The following NSD2 variants were observed in gnomAD, a reference collection of about 807,000 sequenced individuals.
NSD2 encodes histone-lysine N-methyltransferase NSD2.
In NSD2, 12 loss-of-function variants were observed where a neutral mutation model predicts 139.0. The observed-to-expected ratio is 0.09, with a 90% CI of 0.06 to 0.14. NSD2 has a LOEUF of 0.14. Ranked by LOEUF, NSD2 falls within the 10% of genes least tolerant of loss-of-function variation. NSD2 has a pLI of 1.00. For missense variants in NSD2, 1,155 were observed against 1,745.0 expected (o/e 0.66, Z 6.02); for synonymous variants, 669 against 648.7 (o/e 1.03, Z -0.48).
chr4:1,917,666 ACCT>A (rs1719573461), intron 4 of NSD2, among the ~76,000 whole-genome samples: 2 of 151,926 alleles, frequency 1.3e-5, no homozygotes, highest in African/African-American at 4.8e-5. Flanking sequence ...TGGACTCCTG[ACCT>A]CAGGTGATGT....
chr4:1,967,059 C>T (rs1305729839), intron 18 of NSD2, among the ~76,000 whole-genome samples: 2 of 152,024 alleles, frequency 1.3e-5, no homozygotes, highest in Non-Finnish European at 2.9e-5. Context: ...AGAAAAGACT[C>T]ACATAACTAA....
intron 9 of NSD2, chr4:1,945,281 G>A (rs1264977950): frequency 4.7e-6 from 5 of 1,066,210 alleles, no homozygotes; most frequent in African/African-American, 1.6e-5. Context: ...GAGACGTTAA[G>A]AGCTGAGCAC....
intron 5 of NSD2, among the ~76,000 whole-genome samples, chr4:1,927,616 G>A (rs546044475): frequency 6.7e-6 from 1 of 150,348 alleles, no homozygotes; most frequent in South Asian, 2.1e-4. Flanking sequence ...CTACTCAGGA[G>A]GCTAAGGTGG....
rs1257631735 is a variant in NSD2, at chr4:1,978,857, A to AGGG, written c.4048_4050dup (p.Gly1350dup). On this transcript the variant is annotated inframe_insertion, in exon 22 of 22. Coordinates refer to ENST00000508803, the MANE Select transcript of NSD2 (RefSeq NM_001042424.3). The stretch of plus-strand genomic sequence containing the variant: ...CCCCCCCCAGAGCCAGGGAAGCCGA[A>AGGG]GGGGAAGAGGCGGCGGCGGAGGGGC... The AGGG allele has an allele frequency of 6.3e-7, 1 of 1,599,628 alleles. No individual in the cohort carries two copies. Among genetic ancestry groups the AGGG allele is most frequent in the Non-Finnish European group, 8.5e-7 (1 of 1,170,464 alleles).
At chr4:1,967,526 C>G (rs1413802262) in intron 18 of NSD2, among the ~76,000 whole-genome samples, 1 of 151,350 alleles carries the variant, frequency 6.6e-6, no homozygotes, top group Admixed American at 6.6e-5. Flanking sequence ...TTCAGTGAGC[C>G]GAGATCATGC....
intron 5 of NSD2, among the ~76,000 whole-genome samples, chr4:1,922,952 G>A (rs1043012623): frequency 6.6e-6 from 1 of 151,970 alleles, no homozygotes; most frequent in Non-Finnish European, 1.5e-5. Context: ...CAGTATTCAC[G>A]CAGGGCAGTG....
intron 6 of NSD2, among the ~76,000 whole-genome samples, chr4:1,932,213 G>A (rs903885807): frequency 6.6e-6 from 1 of 152,044 alleles, no homozygotes; most frequent in African/African-American, 2.4e-5. Context: ...AAGGTGGGTG[G>A]ATCACTTGAG....
At chr4:1,928,269 G>A (rs1417461176) in intron 5 of NSD2, among the ~76,000 whole-genome samples, 1 of 152,006 alleles carries the variant, frequency 6.6e-6, no homozygotes, top group Non-Finnish European at 1.5e-5. Context: ...CAGATACCTT[G>A]CCAGTATGTT....
At chr4:1,883,633 A>C (rs1011206372) in intron 1 of NSD2, among the ~76,000 whole-genome samples, 1 of 145,538 alleles carries the variant, frequency 6.9e-6, no homozygotes, top group African/African-American at 2.5e-5. Context: ...TTTGTTTCCA[A>C]AAAAAAAAAA....
chr4:1,895,949 G>T (rs1280839046), intron 1 of NSD2, among the ~76,000 whole-genome samples: 2 of 152,234 alleles, frequency 1.3e-5, no homozygotes, highest in Non-Finnish European at 2.9e-5. Flanking sequence ...TGTGACCACA[G>T]ACACTCACCT....
chr4:1,952,851 T>TC, intron 11 of NSD2: 1 of 1,276,644 alleles, frequency 7.8e-7, no homozygotes, highest in Non-Finnish European at 9.9e-7. Context: ...GAGTCTCCTA[T>TC]CTCACGTCAG....
At chr4:1,871,710 A>C (rs1171654037) in intron 1 of NSD2, among the ~76,000 whole-genome samples, 168 bp downstream of exon 1, 1 of 144,646 alleles carries the variant, frequency 6.9e-6, no homozygotes, top group African/African-American at 2.5e-5. Flanking sequence ...GGGCCGGCTC[A>C]GGGGCTGGGG....
chr4:1,926,136 C>T lies in NSD2; in HGVS notation c.1411-4490C>T, dbSNP rs1238368557. 2.0e-5 allele frequency among the ~76,000 whole-genome samples: 3 copies of T among 146,424 alleles called. No homozygotes were observed. In the East Asian group the frequency reaches 6.0e-4, roughly 29 times the overall value. ...TATGAGCAGCATTTTCACTAGCAGG[C>T]TTTTTGGGCCTGAATTTTTTTTTTT... is the stretch of plus-strand genomic sequence containing the variant. On this transcript the variant is annotated intron_variant, in intron 5 of 21. Coordinates refer to ENST00000508803, the MANE Select transcript of NSD2 (RefSeq NM_001042424.3).
intron 20 of NSD2, 35 bp downstream of exon 20, chr4:1,975,435 T>C: frequency 6.3e-7 from 1 of 1,598,548 alleles, no homozygotes; most frequent in South Asian, 1.1e-5. Flanking sequence ...CCCCAGGCTC[T>C]GTGTTGGCAT....
chr4:1,941,330 G>C, intron 9 of NSD2: 1 of 1,053,190 alleles, frequency 9.5e-7, no homozygotes, highest in Non-Finnish European at 1.1e-6. Context: ...TTATACTGTT[G>C]TCAGGTACAG....
intron 15 of NSD2, 77 bp from the exon 16 acceptor site, chr4:1,957,856 A>G (rs1198397875): frequency 7.5e-7 from 1 of 1,336,142 alleles, no homozygotes; most frequent in South Asian, 1.3e-5. Context: ...TTTAGAGTGA[A>G]CTATAAAAAT....
At position 1,955,069 on chromosome 4, in the gene NSD2, A is replaced by G; in HGVS notation, c.2339-92A>G. The G allele has an allele frequency of 2.2e-6, 3 of 1,354,252 alleles. No individual in the cohort carries two copies. The Admixed American group carries it at 7.3e-5, about 33-fold the overall frequency. The allele number at this position is 1,354,252 out of a possible 1,614,324, so 83.9% of individuals were successfully genotyped here. ...ATTTCATTTTAGCATTAACTTTTCA[A>G]ATTCATGGAGGCTGAGTAATTATTA... On this transcript the variant is annotated intron_variant, in intron 12 of 21. Transcript: ENST00000508803. The surrounding 1 kb of genome is among the most constrained non-coding windows in gnomAD (Gnocchi z 4.7).
At chr4:1,943,611 C>G (rs1723324608) in intron 9 of NSD2, 1 of 1,048,788 alleles carries the variant, frequency 9.5e-7, no homozygotes, top group African/African-American at 1.7e-5. Flanking sequence ...TTGGGTTCCT[C>G]TATTGGCTCT....
intron 9 of NSD2, among the ~76,000 whole-genome samples, chr4:1,950,776 G>T (rs760751111): frequency 6.6e-6 from 1 of 152,146 alleles, no homozygotes; most frequent in Non-Finnish European, 1.5e-5. Context: ...AGAGCAAATT[G>T]GATGTTCATA....
Sources: allele counts gnomAD v4.1 joint callset (sites outside exome capture counted in the v4.1 genomes callset), GRCh38; gene constraint gnomAD v4.1.1; non-coding constraint Gnocchi (gnomAD v3.1); transcripts MANE v1.5; gene names NCBI Gene and HGNC (gene_info 2026-07-23, HGNC 2026-07-21).